Variants in CEP192 observed in about 807,000 individuals in gnomAD.
CEP192 encodes the protein centrosomal protein of 192 kDa.
A neutral mutation model predicts 271.8 loss-of-function variants in CEP192; 151 were observed. The ratio of observed to expected loss-of-function variants is 0.56; its 90% CI spans 0.49 to 0.64. The LOEUF (loss-of-function observed/expected upper bound fraction) is 0.64. Ranked by LOEUF, CEP192 falls within the 30% of genes least tolerant of loss-of-function variation. CEP192 has a pLI of 0.00. For missense variants in CEP192, 2,910 were observed against 3,020.5 expected, an observed-to-expected ratio of 0.96 and a Z score of 0.86; for synonymous variants, 995 against 1,076.5, an observed-to-expected ratio of 0.92 and a Z score of 1.48.
chr18:13,009,141 C>T (rs1455508088), intron 4 of CEP192, among the ~76,000 whole-genome samples: 9 of 151,680 alleles, frequency 5.9e-5, no homozygotes. Flanking sequence ...TGGATGCATG[C>T]ATCGTCACTC....
At chr18:13,025,573 T>C (rs1054301930) in intron 9 of CEP192, among the ~76,000 whole-genome samples, 3 of 152,222 alleles carry the variant, frequency 2.0e-5, no homozygotes, top group Admixed American at 2.0e-4. Flanking sequence ...TGTTAGCATA[T>C]CAGATATAAT....
At position 13,053,072 on chromosome 18, in the gene CEP192, T is replaced by A; in HGVS notation, c.3171T>A (p.Asp1057Glu). 6.2e-7 allele frequency: 1 copy of A among 1,609,608 alleles called. No homozygotes were observed. The highest frequency in any genetic ancestry group is 1.1e-5 in the South Asian group (1 of 90,560). Reference protein sequence around the residue: ...ESSYPTTATDDALEDRKSDIT... With the variant: ...ESSYPTTATDEALEDRKSDIT... ...CCTATCCTACCACAGCCACAGATGA[T>A]GCCCTGGAGGACCGCAAGGTGGGCA... The change falls in exon 18 of 45, where the codon GAT (aspartate) becomes GAA (glutamate). Residue 1057 changes from aspartate (D) to glutamate (E), a missense_variant. Asp to Glu is a conservative substitution (Grantham distance 45, BLOSUM62 2). Coordinates refer to ENST00000506447, the MANE Select transcript of CEP192 (RefSeq NM_032142.4).
chr18:13,018,640 T>A (rs1187111297), intron 8 of CEP192, 25 bp downstream of exon 8: 2 of 1,425,150 alleles, frequency 1.4e-6, no homozygotes, highest in African/African-American at 2.9e-5. Flanking sequence ...ATGATTCTTT[T>A]GTTCTTAAGT....
At chr18:13,060,123 A>T (rs2037329873) in intron 21 of CEP192, among the ~76,000 whole-genome samples, 1 of 152,214 alleles carries the variant, frequency 6.6e-6, no homozygotes, top group Non-Finnish European at 1.5e-5. Context: ...CAATTTTGTC[A>T]TTGTGTGAAT....
intron 30 of CEP192, among the ~76,000 whole-genome samples, chr18:13,082,957 G>C (rs906632232): frequency 6.6e-6 from 1 of 152,166 alleles, no homozygotes. Flanking sequence ...CCCCCACTCT[G>C]TTCTGGCTTG....
chr18:13,094,465 G>A (rs1469775868), intron 34 of CEP192, among the ~76,000 whole-genome samples: 1 of 152,130 alleles, frequency 6.6e-6, no homozygotes, highest in Admixed American at 6.5e-5. Flanking sequence ...CTTCACTGTC[G>A]TTATTTGGTC....
chr18:13,016,429 A>G (rs2034649542), intron 6 of CEP192, among the ~76,000 whole-genome samples: 1 of 152,218 alleles, frequency 6.6e-6, no homozygotes, highest in Non-Finnish European at 1.5e-5. Flanking sequence ...CACATTATGC[A>G]TGACTTTGAA....
chr18:13,042,149 CTG>C (rs2036241424), intron 14 of CEP192, 53 bp from the exon 15 acceptor site: 1 of 1,461,332 alleles, frequency 6.8e-7, no homozygotes. Flanking sequence ...ATTCCACAGA[CTG>C]TGTTTGTCAA....
intron 2 of CEP192, 56 bp downstream of exon 2, chr18:12,999,644 A>G: frequency 1.6e-6 from 2 of 1,254,488 alleles, no homozygotes; most frequent in Admixed American, 3.3e-5. Flanking sequence ...TAGCATGCTG[A>G]TATTTATGTT....
chr18:13,070,105 G>A, intron 27 of CEP192, among the ~76,000 whole-genome samples: 1 of 151,860 alleles, frequency 6.6e-6, no homozygotes, highest in Admixed American at 6.6e-5. Context: ...AGGTTGCAGT[G>A]AGCCAAGATC....
chr18:13,066,640 G>A (rs1204593331), intron 21 of CEP192, among the ~76,000 whole-genome samples: 1 of 152,118 alleles, frequency 6.6e-6, no homozygotes, highest in Non-Finnish European at 1.5e-5. Flanking sequence ...TCATGTTCTT[G>A]CAAATAATCT....
intron 40 of CEP192, among the ~76,000 whole-genome samples, chr18:13,109,481 C>T (rs60736466): frequency 0.02 from 2,994 of 152,158 alleles, 75 homozygotes; most frequent in African/African-American, 0.067. Context: ...ACCTGAGCAT[C>T]GTGCAGTATA....
intron 35 of CEP192, among the ~76,000 whole-genome samples, 192 bp from the exon 36 acceptor site, chr18:13,095,992 G>T (rs2039379741): frequency 1.3e-5 from 2 of 149,176 alleles, no homozygotes; most frequent in African/African-American, 5.2e-5. Context: ...TTAAGACCAA[G>T]CAGTGACGAT....
At position 13,089,479 on chromosome 18, in the gene CEP192, T is replaced by A. The variant is rs988195841; in HGVS notation, c.6017T>A (p.Met2006Lys). The A allele has an allele frequency of 1.2e-6, 2 of 1,600,042 alleles. No homozygotes were observed. The highest frequency in any genetic ancestry group is 2.7e-5 in the African/African-American group (2 of 74,550). ...YRRALLHKPE[M>K]IKQILPEHSV... The stretch of plus-strand genomic sequence containing the variant: ...AGGGCCCTGTTACATAAACCAGAGA[T>A]GATAAAACAGATACTTCCAGAACAT... The change falls in exon 33 of 45, where the codon ATG becomes AAG. Residue 2006 changes from methionine (M) to lysine (K), a missense_variant. Transcript: ENST00000506447.
intron 38 of CEP192, 46 bp from the exon 39 acceptor site, chr18:13,103,463 C>G (rs780371690): frequency 2.0e-6 from 3 of 1,478,662 alleles, no homozygotes; most frequent in African/African-American, 1.4e-5. Context: ...TCTGCTTGTT[C>G]TCCAGTCTCT....
intron 29 of CEP192, 59 bp from the exon 30 acceptor site, chr18:13,072,950 G>C: frequency 6.4e-7 from 1 of 1,553,294 alleles, no homozygotes; most frequent in Admixed American, 1.7e-5. Flanking sequence ...CTGTGTTAAT[G>C]GTATGTTTTA....
At chr18:13,043,049 G>T (rs1240456191) in intron 15 of CEP192, among the ~76,000 whole-genome samples, 1 of 152,156 alleles carries the variant, frequency 6.6e-6, no homozygotes, top group Non-Finnish European at 1.5e-5. Flanking sequence ...TCCTGTCACC[G>T]CATGTCCTCG....
rs2037835477 is a variant in CEP192, at chr18:13,068,520, G to A, written c.4822+98G>A. ...CTTTGTCAATAAATGTCAGTACTTC[G>A]AAATCTGTCAACTATTTTATGTTTT... On this transcript the variant is annotated intron_variant, in intron 24 of 44. Transcript: ENST00000506447. 2.0e-5 allele frequency: 21 copies of A among 1,037,576 alleles called. No individual in the cohort carries two copies. In the South Asian group the frequency reaches 2.1e-4, roughly 10 times the overall value. The allele number at this position is 1,037,576 out of a possible 1,614,324, so 64.3% of individuals were successfully genotyped here. A position where few individuals can be genotyped will look rare whatever the true frequency, so the allele number is the denominator to read the frequency against.
intron 41 of CEP192, among the ~76,000 whole-genome samples, 190 bp from the exon 42 acceptor site, chr18:13,113,940 A>G (rs981955410): frequency 2.6e-5 from 4 of 152,178 alleles, no homozygotes; most frequent in African/African-American, 9.7e-5. Flanking sequence ...TGCATCATGT[A>G]TGCACATGGG....
Sources: allele counts gnomAD v4.1 joint callset (sites outside exome capture counted in the v4.1 genomes callset), GRCh38; gene constraint gnomAD v4.1.1; transcripts MANE v1.5; gene names NCBI Gene and HGNC (gene_info 2026-07-23, HGNC 2026-07-21).